PIAS2: variants seen among roughly 807,000 people sequenced by gnomAD.
PIAS2 encodes the protein E3 SUMO-protein ligase PIAS2.
In PIAS2, 19 loss-of-function variants were observed where a neutral mutation model predicts 69.7. The observed-to-expected ratio is 0.27, with a 90% CI of 0.19 to 0.40. The LOEUF is 0.40. PIAS2 is among the 10% of genes least tolerant of loss of function. The pLI, the probability that PIAS2 is intolerant of heterozygous loss-of-function variation, is 1.00. For missense variants in PIAS2, 624 were observed against 757.0 expected (o/e 0.82, Z 2.06); for synonymous variants, 261 against 263.2 (o/e 0.99, Z 0.08).
chr18:46,862,119 C>A (rs1027549972), intron 3 of PIAS2, among the ~76,000 whole-genome samples: 2 of 152,086 alleles, frequency 1.3e-5, no homozygotes, highest in African/African-American at 4.8e-5. Flanking sequence ...TCACTTGAGG[C>A]CAGGAGTTCA....
intron 12 of PIAS2, chr18:46,817,926 T>C (rs1253147060): frequency 1.0e-6 from 1 of 983,506 alleles, no homozygotes; most frequent in Non-Finnish European, 1.2e-6. Context: ...CCTTGTTTCG[T>C]AAGTTTAGCA....
rs1371221071 is a variant in PIAS2 at position 46,803,327 on chromosome 18, C to T, written c.*9106G>A. ...ATGAAAGTTTTTTAAAAAATGGATA[C>T]TTACTTTTTTAGGTTGTATCAGCAG... On this transcript the variant is annotated 3_prime_UTR_variant, in exon 14 of 14. Coordinates refer to ENST00000585916, the MANE Select transcript of PIAS2 (RefSeq NM_004671.5). 1 of 152,060 alleles carries T rather than the reference C, an allele frequency of 6.6e-6. No individual in the cohort carries two copies. The highest frequency in any genetic ancestry group is 2.4e-5 in the African/African-American group (1 of 41,400). 9.4% of individuals were successfully genotyped at this position (152,060 alleles called of 1,614,324 possible).
chr18:46,823,550 C>T (rs1479300719), intron 11 of PIAS2, among the ~76,000 whole-genome samples: 2 of 152,168 alleles, frequency 1.3e-5, no homozygotes, highest in Non-Finnish European at 2.9e-5. Flanking sequence ...CTGTACGTGT[C>T]CTGTCACTTA....
Position 46,844,137 on chromosome 18 carries a change from G to GAA in PIAS2, c.968-12_968-11dup. On this transcript the variant is annotated splice_polypyrimidine_tract_variant and intron_variant, in intron 7 of 13. Coordinates refer to ENST00000585916, the MANE Select transcript of PIAS2 (RefSeq NM_004671.5). ...GTAAGTTTTTCTTTAACTTTAAAAAGAAGAGAAAAAAAAAAATTTAAAAAA... is the reference window on the plus strand; with the variant it reads ...GTAAGTTTTTCTTTAACTTTAAAAAGAAAAGAGAAAAAAAAAAATTTAAAAAA... The GAA allele has an allele frequency of 1.3e-5, 16 of 1,244,312 alleles. No homozygotes were observed. The highest frequency in any genetic ancestry group is 3.2e-5 in the Admixed American group (1 of 31,284). 77.1% of individuals were successfully genotyped at this position (1,244,312 alleles called of 1,614,324 possible).
chr18:46,857,794 C>T (rs1454331036), intron 3 of PIAS2, among the ~76,000 whole-genome samples: 1 of 152,184 alleles, frequency 6.6e-6, no homozygotes, highest in Non-Finnish European at 1.5e-5. Flanking sequence ...TTCTGACATT[C>T]ATTTCTGCCA....
intron 2 of PIAS2, among the ~76,000 whole-genome samples, chr18:46,881,706 C>G (rs1236547864): frequency 6.6e-6 from 1 of 152,208 alleles, no homozygotes; most frequent in Non-Finnish European, 1.5e-5. Context: ...ATGCAAACAC[C>G]TATCTACTTG....
chr18:46,910,282 G>T (rs563511951), intron 1 of PIAS2, among the ~76,000 whole-genome samples: 1 of 152,156 alleles, frequency 6.6e-6, no homozygotes, highest in East Asian at 1.9e-4. Flanking sequence ...GGTGGACATG[G>T]TTGCAGTGGA....
At chr18:46,860,900 C>A (rs1289667639) in intron 3 of PIAS2, among the ~76,000 whole-genome samples, 2 of 152,090 alleles carry the variant, frequency 1.3e-5, no homozygotes, top group Admixed American at 6.6e-5. Flanking sequence ...TCATTTGACC[C>A]CAGGTGGTCA....
rs144269846 is a variant in PIAS2 at position 46,805,262 on chromosome 18, A to G, written c.*7171T>C. On this transcript the variant is annotated 3_prime_UTR_variant, in exon 14 of 14. Coordinates refer to ENST00000585916, the MANE Select transcript of PIAS2 (RefSeq NM_004671.5). Reference sequence around the variant, plus strand: ...TAATGAAAGAACAGTCTGGACAAGTAGCAAAGAGGAAAACAGAAAGCGTGG... The same window carrying G: ...TAATGAAAGAACAGTCTGGACAAGTGGCAAAGAGGAAAACAGAAAGCGTGG... The G allele has an allele frequency of 0.011, 1,730 of 152,370 alleles. 18 individuals are homozygous for G. The highest frequency in any genetic ancestry group is 0.018 in the Non-Finnish European group (1,237 of 68,068). 9.4% of individuals were successfully genotyped at this position (152,370 alleles called of 1,614,324 possible).
intron 3 of PIAS2, among the ~76,000 whole-genome samples, chr18:46,856,063 T>A (rs192030187): frequency 7.4e-6 from 1 of 134,580 alleles, no homozygotes; most frequent in Admixed American, 8.9e-5. Context: ...TGGAGTGCAG[T>A]GGCGCGATCT....
chr18:46,841,246 T>C (rs1224747113), intron 8 of PIAS2, among the ~76,000 whole-genome samples: 2 of 152,238 alleles, frequency 1.3e-5, no homozygotes, highest in Non-Finnish European at 2.9e-5. Flanking sequence ...TGCTCCCACT[T>C]TTCAGACTCA....
intron 5 of PIAS2, among the ~76,000 whole-genome samples, chr18:46,850,004 A>G (rs1050249513): frequency 2.0e-5 from 3 of 152,192 alleles, no homozygotes; most frequent in Non-Finnish European, 2.9e-5. Flanking sequence ...AAATAATCAC[A>G]ATTTTAAAAA....
chr18:46,835,635 T>C (rs1467775189), intron 9 of PIAS2, among the ~76,000 whole-genome samples: 1 of 152,186 alleles, frequency 6.6e-6, no homozygotes, highest in Non-Finnish European at 1.5e-5. Context: ...AACTCTAGGA[T>C]ACTTTTCACT....
chr18:46,897,369 ACG>A (rs1326761583), intron 1 of PIAS2, among the ~76,000 whole-genome samples: 2 of 152,236 alleles, frequency 1.3e-5, no homozygotes, highest in Non-Finnish European at 2.9e-5. Flanking sequence ...ATCAAAGATC[ACG>A]GGGCCTTGTC....
Position 46,811,868 on chromosome 18 carries a change from T to A in PIAS2, c.*565A>T, listed in dbSNP as rs1200544352. 6.6e-6 allele frequency: 1 copy of A among 152,130 alleles called. No homozygotes were observed. Among genetic ancestry groups the A allele is most frequent in the Non-Finnish European group, 1.5e-5 (1 of 68,030 alleles). The allele number at this position is 152,130 out of a possible 1,614,324, so 9.4% of individuals were successfully genotyped here. ...TCTTTGATGCAATCACGAAGAAAAG[T>A]GGAAATGCAGGACGAAAAGTGGAAT... is the stretch of plus-strand genomic sequence containing the variant. On this transcript the variant is annotated 3_prime_UTR_variant, in exon 14 of 14. Transcript: ENST00000585916.
intron 1 of PIAS2, among the ~76,000 whole-genome samples, chr18:46,900,569 T>A (rs779964391): frequency 1.3e-5 from 2 of 151,682 alleles, no homozygotes; most frequent in Non-Finnish European, 2.9e-5. Context: ...CTTGATTACT[T>A]AGGAGGCTGA....
At chr18:46,845,213 G>A (rs1183195073) in intron 6 of PIAS2, among the ~76,000 whole-genome samples, 2 of 152,126 alleles carry the variant, frequency 1.3e-5, no homozygotes, top group African/African-American at 2.4e-5. Flanking sequence ...TGCTTTTATC[G>A]ACTTTATGTA....
intron 5 of PIAS2, among the ~76,000 whole-genome samples, chr18:46,851,375 T>C (rs549132395): frequency 5.1e-4 from 78 of 152,362 alleles, no homozygotes; most frequent in Non-Finnish European, 7.2e-4. Context: ...ACAAGATTTA[T>C]AGATATTTCT....
chr18:46,895,944 T>C (rs920515260), intron 1 of PIAS2, among the ~76,000 whole-genome samples: 3 of 152,010 alleles, frequency 2.0e-5, no homozygotes, highest in Non-Finnish European at 2.9e-5. Context: ...AGATAATGAT[T>C]ACAATAACTC....
Sources: allele counts gnomAD v4.1 joint callset (sites outside exome capture counted in the v4.1 genomes callset), GRCh38; gene constraint gnomAD v4.1.1; transcripts MANE v1.5; gene names NCBI Gene and HGNC (gene_info 2026-07-23, HGNC 2026-07-21).